Variants in HHLA1 observed in about 807,000 individuals in gnomAD.
HHLA1 encodes the protein HERV-H LTR-associating protein 1.
Under a neutral mutation model 69.9 loss-of-function variants are expected in HHLA1, and 72 were observed. The ratio of observed to expected loss-of-function variants is 1.03; its 90% CI spans 0.85 to 1.25. HHLA1 has a LOEUF of 1.25. HHLA1 is among the 50% of genes most tolerant of loss of function. HHLA1 has a pLI of 0.00. For synonymous variants in HHLA1, 252 were observed against 233.2 expected, an observed-to-expected ratio of 1.08 and a Z score of -0.73; for missense variants, 685 against 642.2, an observed-to-expected ratio of 1.07 and a Z score of -0.72.
intron 5 of HHLA1, among the ~76,000 whole-genome samples, chr8:132,095,993 A>G (rs1283958518): frequency 2.0e-5 from 3 of 152,212 alleles, no homozygotes; most frequent in African/African-American, 7.2e-5. Context: ...TCATTTGTCT[A>G]TATTTCCTGA....
At chr8:132,076,321 G>A (rs528759019) in intron 13 of HHLA1, among the ~76,000 whole-genome samples, 154 bp downstream of exon 13, 52 of 152,338 alleles carry the variant, frequency 3.4e-4, no homozygotes, top group African/African-American at 1.3e-3. Flanking sequence ...TTATAAACCA[G>A]TTCTCCTGAC....
At chr8:132,099,768 C>T (rs141509368) in intron 4 of HHLA1, among the ~76,000 whole-genome samples, 160 of 152,058 alleles carry the variant, frequency 1.1e-3, no homozygotes, top group Middle Eastern at 3.4e-3. Context: ...GCAGGAGAAT[C>T]GCTTGAGCCT....
At chr8:132,100,460 G>C (rs1364768850) in intron 3 of HHLA1, among the ~76,000 whole-genome samples, 1 of 152,174 alleles carries the variant, frequency 6.6e-6, no homozygotes, top group African/African-American at 2.4e-5. Flanking sequence ...TTGCACAACT[G>C]AGCAATGGTA....
At chr8:132,089,367 A>G (rs1359133073) in intron 8 of HHLA1, 149 bp downstream of exon 8, 1 of 670,282 alleles carries the variant, frequency 1.5e-6, no homozygotes, top group East Asian at 2.7e-5. Flanking sequence ...AAACTGGACC[A>G]CACTGATTAT....
Position 132,087,924 on chromosome 8 carries a change from A to G in HHLA1, c.533-23T>C, listed in dbSNP as rs998715034. 12 of 1,533,452 alleles carry G rather than the reference A, an allele frequency of 7.8e-6. No homozygotes were observed. The African/African-American group carries it at 1.4e-4, about 18-fold the overall frequency. The allele number at this position is 1,533,452 out of a possible 1,614,324, so 95.0% of individuals were successfully genotyped here. ...TCACTGTAAGACAAACGAGTATACAATAAGACTTAGCCATGGGTCTGAAGC... is the reference window on the plus strand; with the variant it reads ...TCACTGTAAGACAAACGAGTATACAGTAAGACTTAGCCATGGGTCTGAAGC... On this transcript the variant is annotated intron_variant, in intron 8 of 16. Transcript: ENST00000414222.
intron 7 of HHLA1, among the ~76,000 whole-genome samples, chr8:132,090,843 C>T (rs1045175687): frequency 6.6e-6 from 1 of 150,574 alleles, no homozygotes; most frequent in African/African-American, 2.5e-5. Context: ...ACTGCAAGTT[C>T]CGCCTCCCAG....
intron 15 of HHLA1, chr8:132,069,569 C>T (rs1238250230): frequency 6.6e-6 from 1 of 152,192 alleles, no homozygotes; most frequent in Admixed American, 6.5e-5. Context: ...ACTCAAACTT[C>T]TCTCTGAAAA....
intron 15 of HHLA1, among the ~76,000 whole-genome samples, chr8:132,067,015 A>G (rs889278792): frequency 1.3e-5 from 2 of 152,152 alleles, no homozygotes. Context: ...GGCTGAAAGA[A>G]CCAACAGGGG....
In HHLA1 at chr8:132,077,903, C is replaced by T. The variant is rs118152489; in HGVS notation, c.994G>A (p.Val332Met). The T allele has an allele frequency of 8.0e-4, 1,246 of 1,551,532 alleles. 1 individual carries two copies. Among genetic ancestry groups the T allele is most frequent in the Non-Finnish European group, 1.0e-3 (1,157 of 1,146,928 alleles). The change falls in exon 12 of 17, where the codon GTG (valine) becomes ATG (methionine). Residue 332 changes from valine to methionine, a missense_variant. By Grantham distance (21) the Val-to-Met change is conservative. Coordinates refer to ENST00000414222, the MANE Select transcript of HHLA1 (RefSeq NM_001145095.3). The stretch of plus-strand genomic sequence containing the variant: ...TCACTGATGGTCTGAGCCCAGGGCA[C>T]GGACGATATGGAAGCCCACGTCTGT... ...DRQTWASISS[V>M]PWAQTISEKK...
In HHLA1 at chr8:132,097,234, A is replaced by G. The variant is rs535981425; in HGVS notation, c.281-1448T>C. 1.2e-4 allele frequency among the ~76,000 whole-genome samples: 19 copies of G among 152,342 alleles called. 1 individual carries two copies. In the South Asian group the frequency reaches 3.9e-3, roughly 32 times the overall value. The stretch of plus-strand genomic sequence containing the variant: ...GTTTTTTTGATGATAAAAATCACAA[A>G]TAGCACTTGGTAAAAATATACATTT... On this transcript the variant is annotated intron_variant, in intron 5 of 16. Transcript: ENST00000414222.
rs190892062 is a variant in HHLA1, at chr8:132,067,522, A to G, written c.1470-1554T>C. On this transcript the variant is annotated intron_variant, in intron 15 of 16. Transcript: ENST00000414222. Reference sequence around the variant, plus strand: ...CAGAGATAGGATGTCAAGGTTGGCCAACTCAACAGCTGACATGGCCACTAG... The same window carrying G: ...CAGAGATAGGATGTCAAGGTTGGCCGACTCAACAGCTGACATGGCCACTAG... Among the ~76,000 whole-genome samples, 7 of 152,238 alleles carry G rather than the reference A, an allele frequency of 4.6e-5. No homozygotes were observed. In the East Asian group the frequency reaches 1.2e-3, roughly 25 times the overall value.
At chr8:132,099,400 A>C (rs1431803822) in intron 4 of HHLA1, among the ~76,000 whole-genome samples, 1 of 152,230 alleles carries the variant, frequency 6.6e-6, no homozygotes, top group Non-Finnish European at 1.5e-5. Context: ...CATTTTTTTA[A>C]TTACACAATT....
chr8:132,071,986 C>CTG (rs373340553), intron 14 of HHLA1, among the ~76,000 whole-genome samples: 4 of 151,274 alleles, frequency 2.6e-5, no homozygotes, highest in Non-Finnish European at 4.4e-5. Context: ...ATGTGTTTGC[C>CTG]TGTGTGTGTG....
At chr8:132,067,832 A>G (rs1823467818) in intron 15 of HHLA1, among the ~76,000 whole-genome samples, 1 of 152,204 alleles carries the variant, frequency 6.6e-6, no homozygotes, top group Non-Finnish European at 1.5e-5. Context: ...CATTTTGTAG[A>G]TGAACAAACT....
At chr8:132,087,804 C>T in intron 9 of HHLA1, 41 bp downstream of exon 9, 1 of 1,546,638 alleles carries the variant, frequency 6.5e-7, no homozygotes, top group Non-Finnish European at 8.8e-7. Context: ...TTGTCTATTT[C>T]TCAGCCCAGA....
intron 12 of HHLA1, among the ~76,000 whole-genome samples, chr8:132,077,230 T>A (rs745413248): frequency 4.6e-5 from 7 of 152,050 alleles, no homozygotes; most frequent in Non-Finnish European, 7.4e-5. Flanking sequence ...ACATCTACTC[T>A]AAGTCAAGCA....
At chr8:132,110,037 T>A (rs1326540960) in intron 1 of HHLA1, among the ~76,000 whole-genome samples, 1 of 151,990 alleles carries the variant, frequency 6.6e-6, no homozygotes, top group Non-Finnish European at 1.5e-5. Context: ...GAGTCTTAAT[T>A]AAACAGTGTG....
chr8:132,079,335 C>T (rs902066887), intron 11 of HHLA1, among the ~76,000 whole-genome samples: 5 of 152,226 alleles, frequency 3.3e-5, no homozygotes, highest in African/African-American at 1.2e-4. Flanking sequence ...AGCGATATCG[C>T]TAAATGCTTT....
intron 8 of HHLA1, among the ~76,000 whole-genome samples, chr8:132,088,873 TG>T (rs1304825581): frequency 6.6e-6 from 1 of 152,186 alleles, no homozygotes; most frequent in Non-Finnish European, 1.5e-5. Flanking sequence ...AGAGAATACA[TG>T]GAAAGCCCTT....
Sources: gnomAD v4.1 joint callset for allele counts (sites outside exome capture counted in the v4.1 genomes callset) on GRCh38, gnomAD v4.1.1 for gene constraint, MANE v1.5 for transcripts, NCBI Gene and HGNC (gene_info 2026-07-23, HGNC 2026-07-21) for gene names.